MYRIP: variants seen among roughly 807,000 people sequenced by gnomAD.
MYRIP encodes the protein rab effector MyRIP.
Under a neutral mutation model 98.0 loss-of-function variants are expected in MYRIP, and 49 were observed. The observed-to-expected ratio is 0.50, with a 90% CI of 0.40 to 0.63. MYRIP has a LOEUF of 0.63. MYRIP is among the 30% of genes least tolerant of loss of function. MYRIP has a pLI of 0.00. For missense variants in MYRIP, 1,004 were observed against 1,058.2 expected (o/e 0.95, Z 0.71); for synonymous variants, 404 against 409.5 (o/e 0.99, Z 0.16).
At chr3:40,017,899 G>A (rs888745137) in intron 2 of MYRIP, among the ~76,000 whole-genome samples, 1 of 152,084 alleles carries the variant, frequency 6.6e-6, no homozygotes, top group African/African-American at 2.4e-5. Context: ...TTAGCCTAAT[G>A]AGTAATCAGC....
chr3:40,205,720 C>T (rs564338802), intron 10 of MYRIP, among the ~76,000 whole-genome samples: 6 of 152,096 alleles, frequency 3.9e-5, no homozygotes, highest in Non-Finnish European at 8.8e-5. Context: ...CTGCTTATGT[C>T]CCTCACTGTC....
intron 3 of MYRIP, among the ~76,000 whole-genome samples, chr3:40,046,893 G>A (rs983964071): frequency 7.2e-5 from 11 of 152,128 alleles, no homozygotes; most frequent in South Asian, 2.1e-4. Flanking sequence ...TCTTCTCCCC[G>A]AGTAAGAAAA....
chr3:40,044,966 G>T (rs1165469286), intron 3 of MYRIP, among the ~76,000 whole-genome samples: 1 of 152,302 alleles, frequency 6.6e-6, no homozygotes, highest in East Asian at 1.9e-4. Context: ...TTTGGAAACT[G>T]ATGAGTATGA....
chr3:40,203,858 T>C (rs1339124611), intron 10 of MYRIP, among the ~76,000 whole-genome samples: 1 of 6,074 alleles, frequency 1.6e-4, no homozygotes, highest in African/African-American at 4.4e-4. Context: ...TTTATATTTT[T>C]ATATATATTT....
At chr3:39,917,927 C>CTTTT (rs36057099) in intron 2 of MYRIP, among the ~76,000 whole-genome samples, 1 of 146,066 alleles carries the variant, frequency 6.8e-6, no homozygotes, top group Non-Finnish European at 1.5e-5. Context: ...GACTTCCATT[C>CTTTT]TTTTTTTTTT....
intron 3 of MYRIP, among the ~76,000 whole-genome samples, chr3:40,117,954 G>A (rs772944613): frequency 6.6e-6 from 1 of 152,096 alleles, no homozygotes; most frequent in Non-Finnish European, 1.5e-5. Context: ...TGGCAGACTA[G>A]GGTAATTATT....
At chr3:40,150,682 T>C (rs1950101882) in intron 3 of MYRIP, among the ~76,000 whole-genome samples, 1 of 152,214 alleles carries the variant, frequency 6.6e-6, no homozygotes, top group Non-Finnish European at 1.5e-5. Context: ...TTCACTCATG[T>C]GTCTCCAGTC....
chr3:39,908,662 T>C (rs961180282), intron 2 of MYRIP, among the ~76,000 whole-genome samples: 2 of 152,232 alleles, frequency 1.3e-5, no homozygotes, highest in African/African-American at 4.8e-5. Context: ...AGATTTATTT[T>C]CATTTTAAAC....
chr3:39,932,547 G>T (rs6800988), intron 2 of MYRIP, among the ~76,000 whole-genome samples: 55,920 of 151,094 alleles, frequency 0.37, 10,645 homozygotes, highest in East Asian at 0.45. Context: ...TTTTTTGGGG[G>T]TTTTTTTTGG....
intron 2 of MYRIP, among the ~76,000 whole-genome samples, chr3:40,020,239 G>T (rs1387307594): frequency 6.6e-6 from 1 of 152,120 alleles, no homozygotes; most frequent in Non-Finnish European, 1.5e-5. Flanking sequence ...ACAACATGTG[G>T]TATTTGGTTT....
At chr3:39,822,959 C>T (rs1469934984) in intron 1 of MYRIP, among the ~76,000 whole-genome samples, 1 of 147,280 alleles carries the variant, frequency 6.8e-6, no homozygotes, top group African/African-American at 2.5e-5. Flanking sequence ...ACACTTGGCT[C>T]TTGTGAATAG....
At chr3:40,209,833 A>G in intron 10 of MYRIP, 21 bp from the exon 11 acceptor site, 1 of 1,612,488 alleles carries the variant, frequency 6.2e-7, no homozygotes, top group Non-Finnish European at 8.5e-7. Flanking sequence ...TCCTCATCTC[A>G]TGATTCTGGC....
At chr3:40,237,463 C>T (rs897795390) in intron 12 of MYRIP, among the ~76,000 whole-genome samples, 1 of 152,134 alleles carries the variant, frequency 6.6e-6, no homozygotes, top group Admixed American at 6.5e-5. Context: ...AAATATTAGG[C>T]GTTTGGGGCA....
At chr3:40,122,069 TA>T (rs770218740) in intron 3 of MYRIP, among the ~76,000 whole-genome samples, 2 of 152,152 alleles carry the variant, frequency 1.3e-5, no homozygotes, top group Non-Finnish European at 2.9e-5. Flanking sequence ...TTTCCTGGCC[TA>T]AAATGGAACC....
chr3:39,858,099 G>A (rs1007032686), intron 1 of MYRIP, among the ~76,000 whole-genome samples: 5 of 152,128 alleles, frequency 3.3e-5, no homozygotes, highest in Non-Finnish European at 7.4e-5. Flanking sequence ...CATAGAGTGA[G>A]TGAATGGGTT....
At chr3:39,879,429 A>G (rs1450788292) in intron 1 of MYRIP, among the ~76,000 whole-genome samples, 3 of 151,764 alleles carry the variant, frequency 2.0e-5, no homozygotes, top group Non-Finnish European at 4.4e-5. Flanking sequence ...GGTATATTGA[A>G]CATTGTGGAG....
At chr3:39,939,427 A>G (rs147122491) in intron 2 of MYRIP, among the ~76,000 whole-genome samples, 1 of 152,300 alleles carries the variant, frequency 6.6e-6, no homozygotes, top group East Asian at 1.9e-4. Context: ...GCAGTTAAAA[A>G]AATAAAGCAG....
At chr3:40,008,504 T>C (rs1946683370) in intron 2 of MYRIP, among the ~76,000 whole-genome samples, 1 of 152,200 alleles carries the variant, frequency 6.6e-6, no homozygotes, top group Admixed American at 6.5e-5. Flanking sequence ...TTTGTCTCAG[T>C]TTCCTCTCCA....
intron 2 of MYRIP, among the ~76,000 whole-genome samples, chr3:40,015,837 ATTT>A: frequency 6.6e-6 from 1 of 152,212 alleles, no homozygotes; most frequent in Non-Finnish European, 1.5e-5. Context: ...CATCATATCT[ATTT>A]TGAAATTTAG....
Sources: gnomAD v4.1 joint callset for allele counts (sites outside exome capture counted in the v4.1 genomes callset) on GRCh38, gnomAD v4.1.1 for gene constraint, MANE v1.5 for transcripts, NCBI Gene and HGNC (gene_info 2026-07-23, HGNC 2026-07-21) for gene names.